The following CFAP161 variants were observed in gnomAD, a reference collection of about 807,000 sequenced individuals.
CFAP161 encodes cilia and flagella associated protein 161.
CFAP161 carries 25 observed loss-of-function variants against 29.0 expected under a neutral mutation model. The observed-to-expected ratio is 0.86, with a 90% CI of 0.63 to 1.20. The LOEUF (loss-of-function observed/expected upper bound fraction) is 1.20. Among genes scored for constraint, CFAP161 ranks in the 50% most tolerant of loss-of-function variants. CFAP161 has a pLI of 0.00. For missense variants in CFAP161, 367 were observed against 371.9 expected, an observed-to-expected ratio of 0.99 and a Z score of 0.11; for synonymous variants, 116 against 137.4, an observed-to-expected ratio of 0.84 and a Z score of 1.09.
intron 1 of CFAP161, among the ~76,000 whole-genome samples, chr15:81,121,781 G>A (rs963557999): frequency 6.6e-6 from 1 of 152,108 alleles, no homozygotes; most frequent in Non-Finnish European, 1.5e-5. Flanking sequence ...AACATGTCAT[G>A]GGGGTTTGTT....
chr15:81,127,517 AGG>A, intron 1 of CFAP161: 1 of 152,380 alleles, frequency 6.6e-6, no homozygotes, highest in East Asian at 1.9e-4. Context: ...TATACCAGAA[AGG>A]ACATATCAGA....
intron 1 of CFAP161, among the ~76,000 whole-genome samples, chr15:81,120,040 T>C (rs1894551994): frequency 6.6e-6 from 1 of 152,058 alleles, no homozygotes; most frequent in African/African-American, 2.4e-5. Context: ...CCAGTTTTCC[T>C]AAATAATAAA....
At chr15:81,109,876 A>G (rs1452927695) in intron 1 of CFAP161, among the ~76,000 whole-genome samples, 5 of 152,196 alleles carry the variant, frequency 3.3e-5, no homozygotes, top group Admixed American at 2.0e-4. Context: ...CTCATCCCTT[A>G]TTAAAATTAA....
intron 5 of CFAP161, 101 bp downstream of exon 5, chr15:81,143,921 C>G: frequency 1.6e-6 from 2 of 1,271,266 alleles, no homozygotes; most frequent in Middle Eastern, 2.9e-4. Flanking sequence ...TGCCTTATGA[C>G]TTTCTCTCTC....
intron 1 of CFAP161, among the ~76,000 whole-genome samples, chr15:81,112,677 T>A (rs948777519): frequency 6.6e-6 from 1 of 152,090 alleles, no homozygotes; most frequent in African/African-American, 2.4e-5. Context: ...GGGTTATAGG[T>A]TTACAAGTGC....
chr15:81,117,695 CTCCTCTTCA>C (rs1171372910), intron 1 of CFAP161: 3 of 291,426 alleles, frequency 1.0e-5, no homozygotes, highest in African/African-American at 2.3e-5. Context: ...CGCTTTCTTC[CTCCTCTTCA>C]TCCTCATCTT....
chr15:81,101,050 T>C lies in CFAP161; in HGVS notation c.-141-26540T>C, dbSNP rs138058082. On this transcript the variant is annotated intron_variant, in intron 1 of 4. Coordinates refer to the CFAP161 transcript ENST00000560091. ...GGTTTTGTTTTTGATAATGCTGCTT[T>C]ACTGGGGCAAACATTCCACATCTCA... 9.0e-3 allele frequency among the ~76,000 whole-genome samples: 1,367 copies of C among 152,300 alleles called. 22 individuals carry two copies. The highest frequency in any genetic ancestry group is 0.032 in the African/African-American group (1,329 of 41,552).
chr15:81,114,376 C>T (rs1287573960), intron 1 of CFAP161, among the ~76,000 whole-genome samples: 8 of 152,168 alleles, frequency 5.3e-5, no homozygotes, highest in African/African-American at 7.2e-5. Context: ...TTTGGGCTTT[C>T]AGTGAGTTGT....
upstream of CFAP161, among the ~76,000 whole-genome samples, chr15:81,129,909 C>T (rs188132376): frequency 1.4e-5 from 2 of 140,070 alleles, no homozygotes; most frequent in Admixed American, 1.4e-4. Context: ...ACTTTTTTCT[C>T]TGTGAAAGTC....
chr15:81,138,074 A>T lies in CFAP161; in HGVS notation c.416A>T (p.Gln139Leu). Residue 139 changes from glutamine to leucine, a missense_variant, in exon 4 of 7, where the codon CAA (glutamine) becomes CTA (leucine). By Grantham distance (113) the Gln-to-Leu change is moderately radical. Transcript: ENST00000286732. The part of the protein sequence containing the change: ...ILSVHRDATG[Q>L]VLRYGQDFCL... ...AGTGTACACAGAGATGCCACTGGTC[A>T]AGTCCTTAGATATGGGCAGGACTTT... The T allele has an allele frequency of 1.2e-6, 2 of 1,612,222 alleles. No individual in the cohort carries two copies. Among genetic ancestry groups the T allele is most frequent in the Non-Finnish European group, 1.7e-6 (2 of 1,178,244 alleles).
chr15:81,125,665 AT>A (rs1477356589), intron 1 of CFAP161, among the ~76,000 whole-genome samples: 2 of 152,208 alleles, frequency 1.3e-5, no homozygotes, highest in Admixed American at 6.5e-5. Flanking sequence ...ATTATATTTT[AT>A]ATGAGTACTC....
At chr15:81,099,909 G>A (rs1894282997) in intron 1 of CFAP161, among the ~76,000 whole-genome samples, 1 of 151,614 alleles carries the variant, frequency 6.6e-6, no homozygotes, top group African/African-American at 2.4e-5. Flanking sequence ...ATTTCCAAAG[G>A]TTTTTTTTCC....
rs184558882 is a variant in CFAP161, at chr15:81,146,427, G to A, written c.637-1431G>A. ...GCTTATCATTTCTTTTTACAAGATA[G>A]GACATCATGAAGATACTTCTTTTTT... On this transcript the variant is annotated intron_variant, in intron 5 of 6. Coordinates refer to ENST00000286732, the MANE Select transcript of CFAP161 (RefSeq NM_173528.4). 2.6e-5 allele frequency among the ~76,000 whole-genome samples: 4 copies of A among 152,198 alleles called. No homozygotes were observed. The East Asian group carries it at 7.7e-4, about 29-fold the overall frequency.
At position 81,148,468 on chromosome 15, in the gene CFAP161, C is replaced by A. The variant is rs767534721; in HGVS notation, c.841C>A (p.Leu281Met). 6.2e-7 allele frequency: 1 copy of A among 1,614,098 alleles called. No individual in the cohort carries two copies. The change falls in exon 7 of 7, where the codon CTG becomes ATG. Residue 281 changes from leucine (L) to methionine (M), a missense_variant. Coordinates refer to ENST00000286732, the MANE Select transcript of CFAP161 (RefSeq NM_173528.4). Reference protein sequence around the residue: ...PRDASSSMLDLPKPPTEDTRA... With the variant: ...PRDASSSMLDMPKPPTEDTRA... ...GGATGCCTCGTCCTCCATGTTGGAT[C>A]TGCCCAAACCACCCACAGAGGACAC...
At chr15:81,105,863 C>T (rs1461523411) in intron 1 of CFAP161, among the ~76,000 whole-genome samples, 1 of 152,080 alleles carries the variant, frequency 6.6e-6, no homozygotes, top group Non-Finnish European at 1.5e-5. Context: ...CAGATGGTCC[C>T]AGGAGTGTGA....
intron 6 of CFAP161, 141 bp downstream of exon 6, chr15:81,148,072 A>C: frequency 1.4e-6 from 1 of 735,596 alleles, no homozygotes; most frequent in South Asian, 2.0e-5. Flanking sequence ...ATAGAACTTC[A>C]ATGGTGTGAA....
chr15:81,126,864 A>G (rs1016502673), intron 1 of CFAP161, among the ~76,000 whole-genome samples: 3 of 152,350 alleles, frequency 2.0e-5, no homozygotes. Context: ...CTTGAATGCC[A>G]TAAGTGGTGA....
intron 1 of CFAP161, among the ~76,000 whole-genome samples, chr15:81,108,611 A>C (rs2141861996): frequency 6.6e-6 from 1 of 152,306 alleles, no homozygotes; most frequent in Middle Eastern, 3.4e-3. Context: ...ACAGATTCTT[A>C]GGGCCCTCTG....
Position 81,143,681 on chromosome 15 carries a change from A to G in CFAP161, c.497A>G (p.His166Arg). Residue 166 changes from histidine to arginine, a missense_variant, in exon 5 of 7, where the codon CAC (histidine) becomes CGC (arginine). Physicochemically the swap from His to Arg is conservative, Grantham distance 29 (BLOSUM62 0). Coordinates refer to ENST00000286732, the MANE Select transcript of CFAP161 (RefSeq NM_173528.4). The stretch of plus-strand genomic sequence containing the variant: ...TTTCAGTTGTATTTGTCAAGTGACC[A>G]CAGGACCCTCCTGAAATCGTCTAAG... ...DNKMLYLSSD[H>R]RTLLKSSKRS... The G allele has an allele frequency of 1.2e-6, 2 of 1,613,720 alleles. No individual in the cohort carries two copies. The highest frequency in any genetic ancestry group is 1.7e-6 in the Non-Finnish European group (2 of 1,179,716).
Sources: gnomAD v4.1 joint callset for allele counts (sites outside exome capture counted in the v4.1 genomes callset) on GRCh38, gnomAD v4.1.1 for gene constraint, MANE v1.5 for transcripts, NCBI Gene and HGNC (gene_info 2026-07-23, HGNC 2026-07-21) for gene names.